Variants in NAA11 observed in about 807,000 individuals in gnomAD.
The protein encoded by NAA11 is N-alpha-acetyltransferase 11.
A neutral mutation model predicts 16.1 loss-of-function variants in NAA11; 15 were observed. That is an observed-to-expected ratio of 0.93 (90% CI 0.62 to 1.44). The LOEUF is 1.44. Among genes scored for constraint, NAA11 ranks in the 40% most tolerant of loss-of-function variants. The pLI, the probability that NAA11 is intolerant of heterozygous loss-of-function variation, is 0.00. For synonymous variants in NAA11, 122 were observed against 112.4 expected (o/e 1.09, Z -0.54); for missense variants, 298 against 291.3 (o/e 1.02, Z -0.17).
chr4:79,235,968 A>G (rs1264468157), intron 2 of NAA11, among the ~76,000 whole-genome samples: 1 of 152,048 alleles, frequency 6.6e-6, no homozygotes. Flanking sequence ...GTTATGAAGT[A>G]TTTGTCTCCA....
chr4:79,190,126 TTGATAC>T, the NAA11 span, among the ~76,000 whole-genome samples: 1 of 152,226 alleles, frequency 6.6e-6, no homozygotes, highest in Non-Finnish European at 1.5e-5. Context: ...ATTTGTCTTG[TTGATAC>T]TGATATTTTA....
chr4:79,297,845 G>T (rs1014545347), intron 1 of NAA11, among the ~76,000 whole-genome samples: 2 of 152,148 alleles, frequency 1.3e-5, no homozygotes, highest in African/African-American at 2.4e-5. Flanking sequence ...CCCTGTTGAG[G>T]CCCCACCTTC....
intron 2 of NAA11, among the ~76,000 whole-genome samples, chr4:79,266,917 T>C (rs910927428): frequency 6.6e-6 from 1 of 152,222 alleles, no homozygotes; most frequent in African/African-American, 2.4e-5. Context: ...GTAAGGTCTT[T>C]TTAAATAACA....
intron 2 of NAA11, among the ~76,000 whole-genome samples, chr4:79,289,038 A>T (rs1368081941): frequency 6.6e-6 from 1 of 152,238 alleles, no homozygotes; most frequent in Admixed American, 6.5e-5. Flanking sequence ...TCTTCTGTCA[A>T]GGGACATACA....
chr4:79,211,110 C>G, the NAA11 span, among the ~76,000 whole-genome samples: 1 of 152,060 alleles, frequency 6.6e-6, no homozygotes, highest in South Asian at 2.1e-4. Flanking sequence ...TTCTTTAAAC[C>G]TTTTGATTAC....
intron 1 of NAA11, chr4:79,305,094 T>C (rs1193299993): frequency 1.3e-5 from 2 of 152,244 alleles, no homozygotes; most frequent in East Asian, 3.9e-4. Flanking sequence ...GGCTGAATTC[T>C]TTCTCAGGAT....
At chr4:79,192,412 T>C in the NAA11 span, among the ~76,000 whole-genome samples, 2 of 127,282 alleles carry the variant, frequency 1.6e-5, no homozygotes, top group African/African-American at 6.1e-5. Context: ...TGGTGTGTGA[T>C]GTTCCCCTTC....
intron 2 of NAA11, among the ~76,000 whole-genome samples, chr4:79,269,662 C>G (rs1722442331): frequency 6.8e-6 from 1 of 147,516 alleles, no homozygotes; most frequent in Non-Finnish European, 1.5e-5. Flanking sequence ...TGCCTGTTCA[C>G]TCTGATGGTA....
the NAA11 span, among the ~76,000 whole-genome samples, chr4:79,179,476 T>C: frequency 1.3e-5 from 2 of 152,206 alleles, no homozygotes. Flanking sequence ...AGTACTATTC[T>C]TCAAAGATAA....
intron 1 of NAA11, among the ~76,000 whole-genome samples, chr4:79,306,393 G>T (rs1291412577): frequency 2.0e-5 from 3 of 152,096 alleles, no homozygotes; most frequent in Non-Finnish European, 2.9e-5. Context: ...TTTTCTCCCT[G>T]TATCTTCACA....
chr4:79,236,714 G>A (rs1721578743), intron 2 of NAA11, among the ~76,000 whole-genome samples: 2 of 152,080 alleles, frequency 1.3e-5, no homozygotes. Context: ...GTTTCGTTAT[G>A]ACGTGTCATT....
the NAA11 span, among the ~76,000 whole-genome samples, chr4:79,185,003 C>T: frequency 6.6e-6 from 1 of 152,114 alleles, no homozygotes; most frequent in South Asian, 2.1e-4. Flanking sequence ...ACTGAAAAAG[C>T]TGTACATAAA....
chr4:79,194,083 A>T, the NAA11 span, among the ~76,000 whole-genome samples: 5 of 152,076 alleles, frequency 3.3e-5, no homozygotes, highest in African/African-American at 4.8e-5. Flanking sequence ...GTATCCTGAG[A>T]CTTTGCTGAA....
intron 1 of NAA11, among the ~76,000 whole-genome samples, chr4:79,298,312 G>A (rs1392427347): frequency 6.6e-6 from 1 of 152,228 alleles, no homozygotes; most frequent in Non-Finnish European, 1.5e-5. Context: ...GAGGCTAAAA[G>A]AGCAGTAACA....
intron 2 of NAA11, among the ~76,000 whole-genome samples, chr4:79,279,373 G>A (rs938761798): frequency 6.6e-6 from 1 of 152,040 alleles, no homozygotes; most frequent in South Asian, 2.1e-4. Flanking sequence ...AGCAAGTGGT[G>A]GAGTCAGGGT....
intron 2 of NAA11, among the ~76,000 whole-genome samples, chr4:79,243,788 A>T (rs1416010775): frequency 6.6e-6 from 1 of 152,230 alleles, no homozygotes; most frequent in Non-Finnish European, 1.5e-5. Context: ...TTAGAACAGG[A>T]AAGAAAGGAA....
chr4:79,170,328 G>C, the NAA11 span, among the ~76,000 whole-genome samples: 1 of 152,138 alleles, frequency 6.6e-6, no homozygotes, highest in Non-Finnish European at 1.5e-5. Flanking sequence ...GCTTCCACCT[G>C]GCTCTCTATC....
chr4:79,258,995 A>C (rs1722189744), intron 2 of NAA11: 1 of 200,918 alleles, frequency 5.0e-6, no homozygotes, highest in Non-Finnish European at 1.0e-5. Context: ...CTCCTCTTTG[A>C]TGAGAGCTGC....
chr4:79,243,051 C>T (rs576293497), intron 2 of NAA11, among the ~76,000 whole-genome samples: 1 of 152,298 alleles, frequency 6.6e-6, no homozygotes, highest in Admixed American at 6.5e-5. Flanking sequence ...CTTTCGGTTA[C>T]CCAAGTGATT....
Sources: allele counts gnomAD v4.1 joint callset (sites outside exome capture counted in the v4.1 genomes callset), GRCh38; gene constraint gnomAD v4.1.1; transcripts MANE v1.5; gene names NCBI Gene and HGNC (gene_info 2026-07-23, HGNC 2026-07-21).